Variants in ST8SIA1 observed in about 807,000 individuals in gnomAD.
ST8SIA1 encodes ST8 alpha-N-acetyl-neuraminide alpha-2,8-sialyltransferase 1.
A neutral mutation model predicts 35.9 loss-of-function variants in ST8SIA1; 16 were observed. The observed-to-expected ratio is 0.45, with a 90% CI of 0.30 to 0.68. ST8SIA1 has a LOEUF of 0.68. Among genes scored for constraint, ST8SIA1 ranks in the 30% least tolerant of loss-of-function variants. ST8SIA1 has a pLI of 0.09. For missense variants in ST8SIA1, 383 were observed against 453.6 expected (o/e 0.84, Z 1.41); for synonymous variants, 170 against 169.6 (o/e 1.00, Z -0.02).
At chr12:22,204,900 A>G (rs1357353444) in intron 4 of ST8SIA1, among the ~76,000 whole-genome samples, 1 of 152,170 alleles carries the variant, frequency 6.6e-6, no homozygotes, top group African/African-American at 2.4e-5. Context: ...TTATTACAAA[A>G]TTAAGCTGGA....
chr12:22,238,056 G>A (rs73267992), intron 4 of ST8SIA1, among the ~76,000 whole-genome samples: 37,733 of 151,932 alleles, frequency 0.25, 5,350 homozygotes, highest in African/African-American at 0.37. Flanking sequence ...ATATGTGAGG[G>A]ATATAAATTG....
chr12:22,321,003 G>GAAAGAAGAAAGAAAGAAAGAAAGA (rs377218947), intron 1 of ST8SIA1, among the ~76,000 whole-genome samples: 13 of 76,558 alleles, frequency 1.7e-4, no homozygotes, highest in Non-Finnish European at 3.2e-4. Flanking sequence ...AAGAAAGAAA[G>GAAAGAAGAAAGAAAGAAAGAAAGA]AAGAAAGAAA....
At chr12:22,277,912 T>A (rs956713938) in intron 2 of ST8SIA1, among the ~76,000 whole-genome samples, 1 of 152,116 alleles carries the variant, frequency 6.6e-6, no homozygotes, top group Admixed American at 6.5e-5. Context: ...GGGACAGAAT[T>A]GTGAGCATGT....
chr12:22,326,196 A>G, intron 1 of ST8SIA1: 1 of 305,184 alleles, frequency 3.3e-6, no homozygotes, highest in South Asian at 6.0e-5. Flanking sequence ...TGTATTCATC[A>G]CTGTATTGCC....
chr12:22,260,882 T>TG (rs1384225510), intron 2 of ST8SIA1, among the ~76,000 whole-genome samples: 3 of 147,390 alleles, frequency 2.0e-5, no homozygotes, highest in African/African-American at 5.0e-5. Context: ...TTGTTTTTTT[T>TG]TTTTTTTTTT....
chr12:22,267,285 G>A (rs757990305), intron 2 of ST8SIA1, among the ~76,000 whole-genome samples: 1 of 152,124 alleles, frequency 6.6e-6, no homozygotes, highest in Non-Finnish European at 1.5e-5. Flanking sequence ...CTAGGCACCT[G>A]AACTATCAGG....
chr12:22,334,496 C>A lies in ST8SIA1; in HGVS notation c.-264G>T, dbSNP rs973394416. 2.3e-5 allele frequency: 12 copies of A among 527,338 alleles called. No individual in the cohort carries two copies. Among genetic ancestry groups the A allele is most frequent in the Non-Finnish European group, 3.4e-5 (10 of 294,506 alleles). The allele number at this position is 527,338 out of a possible 1,614,324, so 32.7% of individuals were successfully genotyped here. A position where few individuals can be genotyped will look rare whatever the true frequency, so the allele number is the denominator to read the frequency against. On this transcript the variant is annotated 5_prime_UTR_variant, in exon 1 of 5. Coordinates refer to ENST00000396037, the MANE Select transcript of ST8SIA1 (RefSeq NM_003034.4). ...TCTATGGCCATGGTCGCTTCCCCTG[C>A]AGAAGGCGGGCGCTGGGGTCTCCGA...
chr12:22,288,078 C>G (rs908783282), intron 1 of ST8SIA1, among the ~76,000 whole-genome samples: 2 of 152,176 alleles, frequency 1.3e-5, no homozygotes, highest in African/African-American at 4.8e-5. Context: ...CCCCAGCTAG[C>G]CCCTCAAGTC....
At chr12:22,301,811 G>A (rs897206113) in intron 1 of ST8SIA1, among the ~76,000 whole-genome samples, 5 of 152,228 alleles carry the variant, frequency 3.3e-5, no homozygotes, top group African/African-American at 1.2e-4. Context: ...AGGCTCAGGA[G>A]CCCCAGCCTT....
intron 4 of ST8SIA1, among the ~76,000 whole-genome samples, chr12:22,238,700 T>C (rs533365593): frequency 6.6e-6 from 1 of 152,340 alleles, no homozygotes; most frequent in African/African-American, 2.4e-5. Flanking sequence ...TTATGCAATG[T>C]CATTTTCCAG....
chr12:22,223,750 A>G (rs1284572357), intron 4 of ST8SIA1: 1 of 1,253,966 alleles, frequency 8.0e-7, no homozygotes, highest in Non-Finnish European at 1.0e-6. Context: ...CTATTTCTTC[A>G]CCCTCTCGAC....
At chr12:22,281,814 C>A (rs1205363111) in intron 2 of ST8SIA1, among the ~76,000 whole-genome samples, 1 of 100,134 alleles carries the variant, frequency 1.0e-5, no homozygotes, top group Non-Finnish European at 1.9e-5. Flanking sequence ...AAAACCTTGT[C>A]TCTACAAAAA....
At chr12:22,270,432 A>T (rs1865899125) in intron 2 of ST8SIA1, among the ~76,000 whole-genome samples, 1 of 152,228 alleles carries the variant, frequency 6.6e-6, no homozygotes, top group Non-Finnish European at 1.5e-5. Context: ...TCTCTAATAC[A>T]TTTGAGTTTC....
chr12:22,295,598 G>A (rs1316150347), intron 1 of ST8SIA1, among the ~76,000 whole-genome samples: 4 of 151,938 alleles, frequency 2.6e-5, no homozygotes, highest in African/African-American at 7.3e-5. Context: ...GCCTGATGTG[G>A]CGATGCATGC....
chr12:22,220,497 C>A (rs573993714), intron 4 of ST8SIA1, among the ~76,000 whole-genome samples: 7 of 152,100 alleles, frequency 4.6e-5, no homozygotes, highest in African/African-American at 1.4e-4. Context: ...TATACACACC[C>A]CTAATAGCAG....
At chr12:22,252,688 A>T (rs1865687411) in intron 3 of ST8SIA1, among the ~76,000 whole-genome samples, 1 of 152,162 alleles carries the variant, frequency 6.6e-6, no homozygotes, top group Non-Finnish European at 1.5e-5. Context: ...TCTGAACTTG[A>T]CTATATCAAC....
chr12:22,279,097 A>C (rs1228293717), intron 2 of ST8SIA1, among the ~76,000 whole-genome samples: 2 of 152,096 alleles, frequency 1.3e-5, no homozygotes, highest in Non-Finnish European at 1.5e-5. Flanking sequence ...AATTCTACTC[A>C]TTTATCCAGC....
rs1864973958 is a variant in ST8SIA1 at position 22,195,373 on chromosome 12, C to G, written c.*6179G>C. 2 of 152,116 alleles carry G rather than the reference C, an allele frequency of 1.3e-5. No individual in the cohort carries two copies. Among genetic ancestry groups the G allele is most frequent in the African/African-American group, 4.8e-5 (2 of 41,406 alleles). 9.4% of individuals were successfully genotyped at this position (152,116 alleles called of 1,614,324 possible). ...ACCACTCTGTTCTCTCCGTCAGCAT[C>G]TCATGATCTGTCTGTCACACTGCTT... On this transcript the variant is annotated 3_prime_UTR_variant, in exon 5 of 5. Coordinates refer to ENST00000396037, the MANE Select transcript of ST8SIA1 (RefSeq NM_003034.4).
At chr12:22,325,488 A>G (rs1386774788) in intron 1 of ST8SIA1, 1 of 701,984 alleles carries the variant, frequency 1.4e-6, no homozygotes, top group African/African-American at 1.7e-5. Context: ...GAAAGGGATA[A>G]AAATCGATTC....
Sources: gnomAD v4.1 joint callset for allele counts (sites outside exome capture counted in the v4.1 genomes callset) on GRCh38, gnomAD v4.1.1 for gene constraint, MANE v1.5 for transcripts, NCBI Gene and HGNC (gene_info 2026-07-23, HGNC 2026-07-21) for gene names.